B3GALT1: variants seen among roughly 807,000 people sequenced by gnomAD.
B3GALT1 encodes UDP-Gal:betaGlcNAc beta 1,3-galactosyltransferase, polypeptide 1.
A neutral mutation model predicts 23.2 loss-of-function variants in B3GALT1; 10 were observed. The ratio of observed to expected loss-of-function variants is 0.43; its 90% CI spans 0.27 to 0.73. B3GALT1 has a LOEUF of 0.73. Ranked by LOEUF, B3GALT1 falls within the 30% of genes least tolerant of loss-of-function variation. The pLI is 0.21. For synonymous variants in B3GALT1, 156 were observed against 141.5 expected (o/e 1.10, Z -0.73); for missense variants, 299 against 405.4 (o/e 0.74, Z 2.25).
At chr2:167,658,648 A>C (rs1202867181) in intron 3 of B3GALT1, among the ~76,000 whole-genome samples, 1 of 152,106 alleles carries the variant, frequency 6.6e-6, no homozygotes, top group Admixed American at 6.6e-5. Context: ...TTATACATTT[A>C]CCAACACATT....
At chr2:167,716,563 A>G (rs1687150159) in intron 3 of B3GALT1, among the ~76,000 whole-genome samples, 1 of 152,160 alleles carries the variant, frequency 6.6e-6, no homozygotes, top group Non-Finnish European at 1.5e-5. Context: ...TGTATTGGTA[A>G]ATTTCAAGTG....
intron 2 of B3GALT1, among the ~76,000 whole-genome samples, chr2:167,577,333 A>G (rs1354464719): frequency 6.6e-6 from 1 of 151,902 alleles, no homozygotes; most frequent in Non-Finnish European, 1.5e-5. Flanking sequence ...GAATTCTAAT[A>G]CTGATGCTAA....
intron 1 of B3GALT1, among the ~76,000 whole-genome samples, chr2:167,465,112 G>T (rs1699324234): frequency 1.3e-5 from 2 of 152,170 alleles, no homozygotes; most frequent in South Asian, 4.1e-4. Context: ...GTAATGTGAA[G>T]AGGAAAGTAT....
chr2:167,459,726 G>A (rs1043235369), intron 1 of B3GALT1, among the ~76,000 whole-genome samples: 24 of 152,072 alleles, frequency 1.6e-4, no homozygotes, highest in Admixed American at 2.0e-4. Flanking sequence ...TCAAGTTACT[G>A]TCTGGTGTCC....
chr2:167,547,949 C>T (rs970873729), intron 2 of B3GALT1, among the ~76,000 whole-genome samples: 1 of 152,148 alleles, frequency 6.6e-6, no homozygotes. Flanking sequence ...AGAACTCTCC[C>T]TTCATGACTC....
intron 1 of B3GALT1, among the ~76,000 whole-genome samples, chr2:167,455,488 A>G (rs970192716): frequency 1.3e-5 from 2 of 151,846 alleles, no homozygotes; most frequent in African/African-American, 4.8e-5. Flanking sequence ...ACTACTTTTT[A>G]TTTTCATTAG....
intron 2 of B3GALT1, among the ~76,000 whole-genome samples, chr2:167,540,225 G>A (rs1235333432): frequency 1.3e-5 from 2 of 152,252 alleles, no homozygotes; most frequent in East Asian, 3.9e-4. Flanking sequence ...CTCCTGGACA[G>A]CTTATTCAAG....
At position 167,452,933 on chromosome 2, in the gene B3GALT1, T is replaced by G. The variant is rs187984243; in HGVS notation, c.-510-37244T>G. On this transcript the variant is annotated intron_variant, in intron 1 of 4. Transcript: ENST00000392690. ...CCAGGGAATTCTGATTTGATTGGTC[T>G]GAAATGGTGCCTGATATCAGTAGTT... Among the ~76,000 whole-genome samples the G allele has an allele frequency of 5.9e-5, 9 of 152,342 alleles. No individual in the cohort carries two copies. In the East Asian group the frequency reaches 1.5e-3, roughly 26 times the overall value.
chr2:167,644,738 C>T (rs1685714254), intron 2 of B3GALT1, among the ~76,000 whole-genome samples: 1 of 140,322 alleles, frequency 7.1e-6, no homozygotes, highest in Non-Finnish European at 1.5e-5. Flanking sequence ...CAAGATCGCA[C>T]CACTGCACTC....
intron 2 of B3GALT1, among the ~76,000 whole-genome samples, chr2:167,503,589 G>C (rs142850991): frequency 2.0e-5 from 3 of 152,036 alleles, no homozygotes; most frequent in African/African-American, 7.2e-5. Context: ...CAAATTCTAC[G>C]TTTTGACCAA....
rs367706978 is a variant in B3GALT1 at position 167,616,614 on chromosome 2, G to T, written c.-409-30295G>T. On this transcript the variant is annotated intron_variant, in intron 2 of 4. Coordinates refer to ENST00000392690, the MANE Select transcript of B3GALT1 (RefSeq NM_020981.4). ...CCACTCAGGAGGCTGAGAATCGCTT[G>T]AACCTGGGAGGCAGAGGTTACAGTG... 5.9e-5 allele frequency among the ~76,000 whole-genome samples: 9 copies of T among 152,076 alleles called. No homozygotes were observed. The East Asian group carries it at 1.4e-3, about 23-fold the overall frequency.
At chr2:167,818,850 CGAG>C (rs1234331047) in intron 4 of B3GALT1, among the ~76,000 whole-genome samples, 57 bp downstream of exon 4, 1 of 151,982 alleles carries the variant, frequency 6.6e-6, no homozygotes, top group Non-Finnish European at 1.5e-5. Flanking sequence ...AGCCCAGCGT[CGAG>C]GAAAAATAAC....
At chr2:167,841,032 G>A (rs1225785848) in intron 4 of B3GALT1, among the ~76,000 whole-genome samples, 2 of 108,590 alleles carry the variant, frequency 1.8e-5, no homozygotes. Context: ...TTGTGGGGTG[G>A]GGGGAGGGGG....
intron 3 of B3GALT1, among the ~76,000 whole-genome samples, chr2:167,679,358 A>T (rs2105491306): frequency 6.6e-6 from 1 of 152,006 alleles, no homozygotes; most frequent in Non-Finnish European, 1.5e-5. Context: ...ACCTCAGGTG[A>T]TCCGCCCACC....
chr2:167,755,713 C>T (rs1421647444), intron 3 of B3GALT1, among the ~76,000 whole-genome samples: 1 of 152,026 alleles, frequency 6.6e-6, no homozygotes, highest in Admixed American at 6.6e-5. Context: ...CACTCCTGTA[C>T]TCTTAGTGAC....
intron 4 of B3GALT1, among the ~76,000 whole-genome samples, chr2:167,825,467 T>C (rs964590244): frequency 8.4e-4 from 114 of 135,022 alleles, no homozygotes; most frequent in African/African-American, 3.1e-3. Context: ...CGTGCACGTG[T>C]GTGTGTGTGT....
intron 4 of B3GALT1, among the ~76,000 whole-genome samples, chr2:167,825,977 C>T (rs2105372588): frequency 6.6e-6 from 1 of 152,324 alleles, no homozygotes; most frequent in East Asian, 1.9e-4. Flanking sequence ...CTGATTCCTT[C>T]TCTTTCAGTC....
intron 1 of B3GALT1, among the ~76,000 whole-genome samples, chr2:167,384,759 C>A (rs898782733): frequency 6.6e-6 from 1 of 152,096 alleles, no homozygotes; most frequent in Non-Finnish European, 1.5e-5. Flanking sequence ...TTTTCTTTCT[C>A]TCATTGAAGC....
intron 4 of B3GALT1, among the ~76,000 whole-genome samples, chr2:167,830,073 AT>A (rs1304204406): frequency 1.3e-5 from 2 of 152,222 alleles, no homozygotes; most frequent in Non-Finnish European, 2.9e-5. Context: ...AAGCATTGAC[AT>A]TTGTGTGGAA....
Sources: allele counts gnomAD v4.1 joint callset (sites outside exome capture counted in the v4.1 genomes callset), GRCh38; gene constraint gnomAD v4.1.1; transcripts MANE v1.5; gene names NCBI Gene and HGNC (gene_info 2026-07-23, HGNC 2026-07-21).